ALK: variants seen among roughly 807,000 people sequenced by gnomAD.
ALK encodes the protein ALK tyrosine kinase receptor.
In ALK, 74 loss-of-function variants were observed where a neutral mutation model predicts 163.1. The ratio of observed to expected loss-of-function variants is 0.45; its 90% CI spans 0.38 to 0.55. ALK has a LOEUF of 0.55. ALK is among the 20% of genes least tolerant of loss of function. The probability of loss-of-function intolerance (pLI) is 0.00; values close to 1 mark genes in which losing one functional copy is unlikely to be tolerated. For synonymous variants in ALK, 960 were observed against 843.2 expected, an observed-to-expected ratio of 1.14 and a Z score of -2.40; for missense variants, 2,063 against 2,105.3, an observed-to-expected ratio of 0.98 and a Z score of 0.39.
intron 1 of ALK, among the ~76,000 whole-genome samples, chr2:29,722,879 T>A (rs1489093069): frequency 6.6e-6 from 1 of 152,176 alleles, no homozygotes; most frequent in African/African-American, 2.4e-5. Context: ...TTACCAATAC[T>A]CGCCTGGTTG....
intron 23 of ALK, among the ~76,000 whole-genome samples, chr2:29,218,943 T>TGATA (rs1669711721): frequency 6.6e-6 from 1 of 152,228 alleles, no homozygotes; most frequent in African/African-American, 2.4e-5. Flanking sequence ...AACCTCATCT[T>TGATA]GATAGTTTAC....
chr2:29,489,359 G>A (rs1444161933), intron 4 of ALK, among the ~76,000 whole-genome samples: 1 of 152,066 alleles, frequency 6.6e-6, no homozygotes, highest in Non-Finnish European at 1.5e-5. Context: ...AGGCTGGAGT[G>A]CAGTGGTGTG....
intron 1 of ALK, among the ~76,000 whole-genome samples, chr2:29,755,124 G>T (rs551906530): frequency 1.3e-5 from 2 of 152,330 alleles, no homozygotes; most frequent in East Asian, 3.9e-4. Context: ...ACAGTAGGGG[G>T]TCAGTGAGGA....
chr2:29,845,240 T>A (rs1665811461), intron 1 of ALK, among the ~76,000 whole-genome samples: 2 of 152,188 alleles, frequency 1.3e-5, no homozygotes, highest in Admixed American at 1.3e-4. Flanking sequence ...ATGCTACTGA[T>A]CCCTCAGGCT....
chr2:29,438,900 T>C (rs1670468664), intron 4 of ALK, among the ~76,000 whole-genome samples: 1 of 152,184 alleles, frequency 6.6e-6, no homozygotes, highest in Non-Finnish European at 1.5e-5. Context: ...TGTTCTATTA[T>C]AGATGCCAGT....
intron 1 of ALK, among the ~76,000 whole-genome samples, chr2:29,770,014 A>G (rs868323405): frequency 6.6e-5 from 10 of 152,332 alleles, no homozygotes; most frequent in Admixed American, 1.3e-4. Context: ...TAAGCAAAGA[A>G]GCCTTGATGA....
At chr2:29,430,930 A>C (rs1670257411) in intron 4 of ALK, among the ~76,000 whole-genome samples, 1 of 151,928 alleles carries the variant, frequency 6.6e-6, no homozygotes, top group African/African-American at 2.4e-5. Context: ...AGCATTCCAG[A>C]TTGACTGCAG....
intron 3 of ALK, among the ~76,000 whole-genome samples, chr2:29,591,056 G>A (rs1675041269): frequency 9.2e-6 from 1 of 108,612 alleles, no homozygotes; most frequent in Non-Finnish European, 1.7e-5. Flanking sequence ...GGGAGACACA[G>A]CGAGACTCCG....
intron 3 of ALK, among the ~76,000 whole-genome samples, chr2:29,631,758 A>T (rs1275386823): frequency 6.6e-6 from 1 of 152,254 alleles, no homozygotes; most frequent in Non-Finnish European, 1.5e-5. Flanking sequence ...AATAAAGATT[A>T]GGTATCACAA....
chr2:29,206,808 T>C (rs992762817), intron 26 of ALK, among the ~76,000 whole-genome samples: 17 of 152,034 alleles, frequency 1.1e-4, no homozygotes, highest in African/African-American at 3.6e-4. Context: ...TGTATGTATG[T>C]GTACTTTGTG....
chr2:29,230,434 A>T (rs1664166415), intron 15 of ALK, among the ~76,000 whole-genome samples: 1 of 152,188 alleles, frequency 6.6e-6, no homozygotes, highest in Admixed American at 6.5e-5. Flanking sequence ...GGACCTGGAA[A>T]TTGATGGTGG....
intron 1 of ALK, among the ~76,000 whole-genome samples, chr2:29,908,579 C>G (rs1667615767): frequency 1.3e-5 from 2 of 152,334 alleles, no homozygotes; most frequent in Non-Finnish European, 1.5e-5. Context: ...ATCCTTTGAC[C>G]TGACTCCCTG....
In ALK at chr2:29,782,821, C is replaced by T. The variant is rs537752139; in HGVS notation, c.668-65124G>A. On this transcript the variant is annotated intron_variant, in intron 1 of 28. Coordinates refer to ENST00000389048, the MANE Select transcript of ALK (RefSeq NM_004304.5). Reference sequence around the variant, plus strand: ...TGCCTCTGCCTCTCATCTCACCTTTCAAGAGTATAGACAAATGAGCCTTCT... The same window carrying T: ...TGCCTCTGCCTCTCATCTCACCTTTTAAGAGTATAGACAAATGAGCCTTCT... Among the ~76,000 whole-genome samples the T allele has an allele frequency of 1.1e-4, 17 of 152,282 alleles. 2 individuals carry two copies. In the South Asian group the frequency reaches 3.5e-3, roughly 32 times the overall value.
chr2:29,797,885 A>G (rs1371491993), intron 1 of ALK, among the ~76,000 whole-genome samples: 1 of 152,184 alleles, frequency 6.6e-6, no homozygotes, highest in Non-Finnish European at 1.5e-5. Context: ...ATTTGGGTCA[A>G]GAAAGCTTTA....
chr2:29,433,705 A>G (rs931796262), intron 4 of ALK, among the ~76,000 whole-genome samples: 39 of 151,226 alleles, frequency 2.6e-4, no homozygotes, highest in Admixed American at 1.1e-3. Flanking sequence ...TGGGAGTCAT[A>G]GTTTGTCAAC....
intron 4 of ALK, among the ~76,000 whole-genome samples, chr2:29,467,295 G>A (rs1020079872): frequency 1.6e-4 from 24 of 151,604 alleles, no homozygotes; most frequent in African/African-American, 5.8e-4. Flanking sequence ...CCTGAAAACA[G>A]TTACTAATTT....
chr2:29,597,650 G>A (rs1030437109), intron 3 of ALK, among the ~76,000 whole-genome samples: 7 of 152,232 alleles, frequency 4.6e-5, no homozygotes, highest in African/African-American at 1.7e-4. Flanking sequence ...ATTTAGGAAA[G>A]ATGTGGCTTC....
At chr2:29,352,352 T>C (rs1467569074) in intron 5 of ALK, among the ~76,000 whole-genome samples, 1 of 152,248 alleles carries the variant, frequency 6.6e-6, no homozygotes, top group Non-Finnish European at 1.5e-5. Context: ...CCTGTAATAC[T>C]TGCCGGAGCC....
At chr2:29,549,137 T>TAC (rs58557380) in intron 3 of ALK, among the ~76,000 whole-genome samples, 56,559 of 149,558 alleles carry the variant, frequency 0.38, 10,457 homozygotes, top group East Asian at 0.48. Context: ...GATCTACAGG[T>TAC]ACACACACAC....
Sources: gnomAD v4.1 joint callset for allele counts (sites outside exome capture counted in the v4.1 genomes callset) on GRCh38, gnomAD v4.1.1 for gene constraint, MANE v1.5 for transcripts, NCBI Gene and HGNC (gene_info 2026-07-23, HGNC 2026-07-21) for gene names.